The following TFCP2L1 variants were observed in gnomAD, a reference collection of about 807,000 sequenced individuals.
TFCP2L1 encodes the protein transcription factor CP2-like protein 1.
TFCP2L1 carries 12 observed loss-of-function variants against 72.2 expected under a neutral mutation model. The observed-to-expected ratio is 0.17, with a 90% CI of 0.11 to 0.27. TFCP2L1 has a LOEUF of 0.27. Ranked by LOEUF, TFCP2L1 falls within the 10% of genes least tolerant of loss-of-function variation. The pLI, the probability that TFCP2L1 is intolerant of heterozygous loss-of-function variation, is 1.00. For synonymous variants in TFCP2L1, 260 were observed against 251.0 expected, an observed-to-expected ratio of 1.04 and a Z score of -0.34; for missense variants, 488 against 624.6, an observed-to-expected ratio of 0.78 and a Z score of 2.33.
chr2:121,234,267 G>A, intron 11 of TFCP2L1, 73 bp from the exon 12 acceptor site: 1 of 1,384,828 alleles, frequency 7.2e-7, no homozygotes, highest in Non-Finnish European at 1.0e-6. Flanking sequence ...TTCCAGGATG[G>A]AAACAATAGT....
At chr2:121,249,124 G>A (rs7562700) in intron 3 of TFCP2L1, 37 bp from the exon 4 acceptor site, 20 of 1,459,428 alleles carry the variant, frequency 1.4e-5, no homozygotes, top group South Asian at 8.0e-5. Context: ...AAGTGACCGC[G>A]GGGGGCCAAG....
Position 121,235,287 on chromosome 2 carries a change from C to A in TFCP2L1, c.1028G>T (p.Arg343Leu). The A allele has an allele frequency of 6.2e-7, 1 of 1,614,090 alleles. No homozygotes were observed. The highest frequency in any genetic ancestry group is 8.5e-7 in the Non-Finnish European group (1 of 1,180,022). ...ACCACAGATCTGGACCAAATCATCT[C>A]GGGACATCTTCAGCAAGTCAGCACC... Reference protein sequence around the residue: ...FSGADLLKMSRDDLVQICGPA... With the variant: ...FSGADLLKMSLDDLVQICGPA... The change falls in exon 11 of 15, where the codon CGA (arginine) becomes CTA (leucine). Residue 343 changes from arginine (R) to leucine (L), a missense_variant. Physicochemically the swap from Arg to Leu is moderately radical, Grantham distance 102. Transcript: ENST00000263707.
chr2:121,276,267 C>T (rs561364163), intron 2 of TFCP2L1, among the ~76,000 whole-genome samples: 30 of 151,668 alleles, frequency 2.0e-4, no homozygotes, highest in Middle Eastern at 3.4e-3. Flanking sequence ...TCCCTGTGCC[C>T]ATATATTCTC....
intron 13 of TFCP2L1, among the ~76,000 whole-genome samples, chr2:121,228,160 C>T (rs78720987): frequency 0.019 from 2,892 of 152,300 alleles, 111 homozygotes; most frequent in African/African-American, 0.065. Flanking sequence ...CCTACTTAGG[C>T]GAGGTGGCAT....
chr2:121,224,186 C>T lies in TFCP2L1; in HGVS notation c.*155G>A. ...CACCGTACTTGGTGTCCACAGGCTT[C>T]TGCTGGTTGGTGCTCTGTAGCTTTC... On this transcript the variant is annotated 3_prime_UTR_variant, in exon 15 of 15. Coordinates refer to ENST00000263707, the MANE Select transcript of TFCP2L1 (RefSeq NM_014553.3). The T allele has an allele frequency of 1.3e-6, 1 of 755,934 alleles. No homozygotes were observed. The highest frequency in any genetic ancestry group is 2.2e-6 in the Non-Finnish European group (1 of 458,762). 46.8% of individuals were successfully genotyped at this position (755,934 alleles called of 1,614,324 possible). A position where few individuals can be genotyped will look rare whatever the true frequency, so the allele number is the denominator to read the frequency against.
chr2:121,238,559 T>C lies in TFCP2L1; in HGVS notation c.861-709A>G, dbSNP rs182869718. 1.9e-4 allele frequency among the ~76,000 whole-genome samples: 29 copies of C among 152,142 alleles called. 1 individual carries two copies. The East Asian group carries it at 5.4e-3, about 29-fold the overall frequency. ...ATTTTGTGTTATGTATATTTCTCCA[T>C]AATGGGAAAAAGAGACCCTCGCAGG... On this transcript the variant is annotated intron_variant, in intron 8 of 14. Coordinates refer to ENST00000263707, the MANE Select transcript of TFCP2L1 (RefSeq NM_014553.3).
intron 2 of TFCP2L1, among the ~76,000 whole-genome samples, chr2:121,266,468 G>A (rs1303090356): frequency 6.6e-6 from 1 of 152,094 alleles, no homozygotes; most frequent in Non-Finnish European, 1.5e-5. Context: ...ATTAAACCAG[G>A]GTCCTCTCCT....
chr2:121,248,413 G>A (rs1686534066), intron 4 of TFCP2L1, 143 bp from the exon 5 acceptor site: 1 of 639,418 alleles, frequency 1.6e-6, no homozygotes, highest in Non-Finnish European at 2.7e-6. Context: ...TAACTTACTG[G>A]ACGGAAAGCC....
At chr2:121,232,103 A>T in intron 12 of TFCP2L1, 135 bp from the exon 13 acceptor site, 1 of 791,704 alleles carries the variant, frequency 1.3e-6, no homozygotes, top group Non-Finnish European at 1.9e-6. Flanking sequence ...CCACACTGCC[A>T]CTCTTTTTGT....
intron 8 of TFCP2L1, among the ~76,000 whole-genome samples, chr2:121,239,067 G>A (rs1456138450): frequency 1.3e-5 from 2 of 152,104 alleles, no homozygotes; most frequent in Non-Finnish European, 2.9e-5. Context: ...CATCCTCAGG[G>A]TCCATGTGGC....
At chr2:121,232,444 G>A (rs1008754112) in intron 12 of TFCP2L1, among the ~76,000 whole-genome samples, 2 of 152,098 alleles carry the variant, frequency 1.3e-5, no homozygotes, top group East Asian at 3.9e-4. Flanking sequence ...CAGCCAGGCT[G>A]CCACTCTTGA....
At chr2:121,280,668 G>A (rs1687237398) in intron 2 of TFCP2L1, among the ~76,000 whole-genome samples, 1 of 151,696 alleles carries the variant, frequency 6.6e-6, no homozygotes, top group Admixed American at 6.6e-5. Context: ...GGTTAAGGTG[G>A]GAGGGTCACT....
chr2:121,242,083 CA>C (rs541937558), intron 7 of TFCP2L1, among the ~76,000 whole-genome samples: 5,116 of 65,444 alleles, frequency 0.078, 46 homozygotes, highest in African/African-American at 0.13. Flanking sequence ...ATTACCTACT[CA>C]AAAAAAAAAA....
chr2:121,227,646 A>C (rs1363146541), intron 13 of TFCP2L1, among the ~76,000 whole-genome samples: 1 of 151,662 alleles, frequency 6.6e-6, no homozygotes, highest in Non-Finnish European at 1.5e-5. Context: ...ACATCACTGC[A>C]CTTCAGCCTG....
chr2:121,264,391 A>G lies in TFCP2L1; in HGVS notation c.215-14744T>C, dbSNP rs577154705. On this transcript the variant is annotated intron_variant, in intron 2 of 14. Transcript: ENST00000263707. ...TCCTCTATTCCCAGCCTCTGGCTGC[A>G]GAGTGGAAATGGGGAAGGCGGGGAC... Among the ~76,000 whole-genome samples, 3 of 152,306 alleles carry G rather than the reference A, an allele frequency of 2.0e-5. No homozygotes were observed. The South Asian group carries it at 6.2e-4, about 32-fold the overall frequency.
At chr2:121,225,513 C>A (rs372521824) in intron 14 of TFCP2L1, 49 bp downstream of exon 14, 2 of 1,582,518 alleles carry the variant, frequency 1.3e-6, no homozygotes, top group Admixed American at 1.7e-5. Context: ...GCAGGCCCCA[C>A]CCTCTCACCT....
chr2:121,283,215 G>A (rs563746255), intron 1 of TFCP2L1, among the ~76,000 whole-genome samples: 209 of 152,246 alleles, frequency 1.4e-3, no homozygotes, highest in Non-Finnish European at 2.1e-3. Flanking sequence ...TAAAAGTCAC[G>A]AGAACATCAA....
intron 2 of TFCP2L1, among the ~76,000 whole-genome samples, chr2:121,272,138 T>TA (rs1002784244): frequency 1.3e-5 from 2 of 152,096 alleles, no homozygotes; most frequent in African/African-American, 4.8e-5. Flanking sequence ...CTCCCTTTAT[T>TA]ATTGCACCCC....
intron 6 of TFCP2L1, among the ~76,000 whole-genome samples, chr2:121,246,347 GAAGCCATTGC>G (rs920421079): frequency 1.2e-4 from 19 of 152,228 alleles, no homozygotes; most frequent in Admixed American, 5.9e-4. Context: ...TCTCTAACAG[GAAGCCATTGC>G]AAAGAGAAAA....
Sources: gnomAD v4.1 joint callset for allele counts (sites outside exome capture counted in the v4.1 genomes callset) on GRCh38, gnomAD v4.1.1 for gene constraint, MANE v1.5 for transcripts, NCBI Gene and HGNC (gene_info 2026-07-23, HGNC 2026-07-21) for gene names.